Variants in LRP1B observed in about 807,000 individuals in gnomAD.
LRP1B encodes the protein low-density lipoprotein receptor-related protein 1B.
LRP1B carries 217 observed loss-of-function variants against 556.6 expected under a neutral mutation model. The ratio of observed to expected loss-of-function variants is 0.39; its 90% confidence interval spans 0.35 to 0.44. The LOEUF (loss-of-function observed/expected upper bound fraction) is 0.44, where lower values mean the gene tolerates loss of function less well. Ranked by LOEUF, LRP1B falls within the 20% of genes least tolerant of loss-of-function variation. LRP1B has a pLI of 1.00. For synonymous variants in LRP1B, 2,047 were observed against 1,865.8 expected (o/e 1.10, Z -2.50); for missense variants, 5,053 against 5,620.8 (o/e 0.90, Z 3.23).
chr2:141,663,627 G>A (rs984075446), intron 2 of LRP1B, among the ~76,000 whole-genome samples: 1 of 152,024 alleles, frequency 6.6e-6, no homozygotes, highest in Admixed American at 6.6e-5. Flanking sequence ...GCCCTCCCAC[G>A]ACAGAACCAG....
At chr2:140,773,366 G>T (rs904890298) in intron 33 of LRP1B, among the ~76,000 whole-genome samples, 4 of 152,074 alleles carry the variant, frequency 2.6e-5, no homozygotes, top group African/African-American at 9.7e-5. Context: ...CTACTCGGGG[G>T]ACTGAGACAG....
At chr2:140,262,252 C>T (rs17476684) in intron 86 of LRP1B, among the ~76,000 whole-genome samples, 3,128 of 152,080 alleles carry the variant, frequency 0.021, 40 homozygotes, top group African/African-American at 0.029. Context: ...AGTGGTACAC[C>T]TTCAAAATTT....
chr2:141,482,519 T>C (rs1682958348), intron 2 of LRP1B, among the ~76,000 whole-genome samples: 2 of 152,006 alleles, frequency 1.3e-5, no homozygotes, highest in African/African-American at 2.4e-5. Flanking sequence ...TGTGTGTGCA[T>C]ATATATTAAT....
At chr2:141,453,936 A>T (rs79096259) in intron 3 of LRP1B, among the ~76,000 whole-genome samples, 1,825 of 150,140 alleles carry the variant, frequency 0.012, 31 homozygotes, top group African/African-American at 0.04. Context: ...GAAAAAAAAA[A>T]GTTCTAGTGT....
intron 1 of LRP1B, among the ~76,000 whole-genome samples, chr2:141,956,604 A>ATTCTT (rs1701260973): frequency 9.2e-6 from 1 of 109,000 alleles, no homozygotes; most frequent in Non-Finnish European, 1.9e-5. Flanking sequence ...GAAATTTATC[A>ATTCTT]GTCTTTTATG....
chr2:141,102,216 A>G (rs1171306275), intron 7 of LRP1B, among the ~76,000 whole-genome samples: 1 of 152,174 alleles, frequency 6.6e-6, no homozygotes, highest in Non-Finnish European at 1.5e-5. Flanking sequence ...GAATTAGCCA[A>G]ATAGGATATA....
intron 66 of LRP1B, among the ~76,000 whole-genome samples, chr2:140,417,432 A>G (rs1685246801): frequency 6.6e-6 from 1 of 152,244 alleles, no homozygotes; most frequent in Non-Finnish European, 1.5e-5. Flanking sequence ...GTCAAAGAAG[A>G]TTAATGAATC....
At chr2:140,530,672 A>C (rs1304082056) in intron 47 of LRP1B, among the ~76,000 whole-genome samples, 4 of 152,168 alleles carry the variant, frequency 2.6e-5, no homozygotes, top group African/African-American at 9.6e-5. Context: ...AATTTCTATT[A>C]AGTAATAAAG....
At chr2:141,419,055 C>T (rs4954906) in intron 3 of LRP1B, among the ~76,000 whole-genome samples, 45,201 of 151,776 alleles carry the variant, frequency 0.3, 6,873 homozygotes, top group Admixed American at 0.33. Context: ...AAGACCATGC[C>T]ATATAATTTT....
chr2:140,234,977 A>G, intron 89 of LRP1B, 93 bp from the exon 90 acceptor site: 1 of 623,452 alleles, frequency 1.6e-6, no homozygotes, highest in Non-Finnish European at 2.9e-6. Flanking sequence ...AAATAACATA[A>G]AAATACCCTT....
chr2:141,185,687 C>CAAAAAAAAAAACAAAAAA (rs111914547), intron 7 of LRP1B, among the ~76,000 whole-genome samples: 2 of 132,036 alleles, frequency 1.5e-5, no homozygotes, highest in Non-Finnish European at 3.1e-5. Context: ...AACAAACAAA[C>CAAAAAAAAAAACAAAAAA]AAAAAAAAAC....
At chr2:141,501,305 C>T (rs1381317637) in intron 2 of LRP1B, among the ~76,000 whole-genome samples, 1 of 151,980 alleles carries the variant, frequency 6.6e-6, no homozygotes, top group Non-Finnish European at 1.5e-5. Context: ...ACCTCAAGAA[C>T]ATAAGTATCA....
intron 41 of LRP1B, among the ~76,000 whole-genome samples, chr2:140,632,398 A>C (rs1226063345): frequency 6.6e-6 from 1 of 152,184 alleles, no homozygotes; most frequent in Non-Finnish European, 1.5e-5. Flanking sequence ...TGTTATAAGG[A>C]AACTGTACTA....
intron 1 of LRP1B, among the ~76,000 whole-genome samples, chr2:142,127,029 G>C (rs530518506): frequency 1.1e-4 from 16 of 151,834 alleles, no homozygotes; most frequent in Non-Finnish European, 2.2e-4. Context: ...TGTCATCTAA[G>C]TCCTAAGAAT....
intron 47 of LRP1B, among the ~76,000 whole-genome samples, chr2:140,531,646 C>G (rs566228944): frequency 6.6e-6 from 1 of 152,204 alleles, no homozygotes; most frequent in Admixed American, 6.6e-5. Context: ...TCCTTTACAT[C>G]AATCTTTTCT....
At chr2:141,795,666 C>G (rs765972866) in intron 2 of LRP1B, among the ~76,000 whole-genome samples, 1 of 151,490 alleles carries the variant, frequency 6.6e-6, no homozygotes, top group South Asian at 2.1e-4. Flanking sequence ...GATGTCAATT[C>G]CAGTCACGGT....
rs576680519 is a variant in LRP1B, at chr2:141,779,077, T to C, written c.205+31202A>G. On this transcript the variant is annotated intron_variant, in intron 2 of 90. Coordinates refer to ENST00000389484, the MANE Select transcript of LRP1B (RefSeq NM_018557.3). ...AAATAAGCCAGTGCTGTGGGATTTA[T>C]TCCCACTTTTACTAAAGAGAAAATT... Among the ~76,000 whole-genome samples the C allele has an allele frequency of 2.4e-3, 368 of 152,290 alleles. 2 individuals carry two copies. Among genetic ancestry groups the C allele is most frequent in the African/African-American group, 8.6e-3 (359 of 41,574 alleles).
chr2:141,235,871 TAG>T (rs1683632421), intron 5 of LRP1B, among the ~76,000 whole-genome samples: 1 of 152,122 alleles, frequency 6.6e-6, no homozygotes. Flanking sequence ...TTCAAATTTA[TAG>T]AGTTTTGTAG....
chr2:141,035,352 C>CAATAAT lies in LRP1B; in HGVS notation c.1789+13628_1789+13633dup, dbSNP rs145532424. On this transcript the variant is annotated intron_variant, in intron 11 of 90. Transcript: ENST00000389484. ...CACATGTACCCTAAAACTTGAAGTA[C>CAATAAT]AATAATAATAATAATAATAATAAAA... Among the ~76,000 whole-genome samples the CAATAAT allele has an allele frequency of 2.5e-3, 377 of 150,422 alleles. 2 individuals are homozygous for CAATAAT. Among genetic ancestry groups the CAATAAT allele is most frequent in the Admixed American group, 8.2e-3 (123 of 15,064 alleles).
Sources: allele counts gnomAD v4.1 joint callset (sites outside exome capture counted in the v4.1 genomes callset), GRCh38; gene constraint gnomAD v4.1.1; transcripts MANE v1.5; gene names NCBI Gene and HGNC (gene_info 2026-07-23, HGNC 2026-07-21).